The following BMP1 variants were observed in gnomAD, a reference collection of about 807,000 sequenced individuals.
BMP1 encodes the protein bone morphogenetic protein 1, also known as mammalian tolloid protein.
Under a neutral mutation model 116.8 loss-of-function variants are expected in BMP1, and 63 were observed. That is an observed-to-expected ratio of 0.54 (90% CI 0.44 to 0.67). BMP1 has a LOEUF of 0.67. Ranked by LOEUF, BMP1 falls within the 30% of genes least tolerant of loss-of-function variation. BMP1 has a pLI of 0.00. For missense variants in BMP1, 1,183 were observed against 1,358.9 expected (o/e 0.87, Z 2.04); for synonymous variants, 536 against 533.4 (o/e 1.00, Z -0.07).
intron 8 of BMP1, among the ~76,000 whole-genome samples, chr8:22,183,860 G>A (rs555229157): frequency 6.6e-6 from 1 of 152,170 alleles, no homozygotes; most frequent in Non-Finnish European, 1.5e-5. Flanking sequence ...ACAGACGTGA[G>A]CCGCCGCGCC....
chr8:22,193,198 T>C (rs191961833), intron 9 of BMP1, among the ~76,000 whole-genome samples: 48 of 152,344 alleles, frequency 3.2e-4, no homozygotes, highest in African/African-American at 1.0e-3. Flanking sequence ...CATTCACTTA[T>C]GTTGATTCTT....
chr8:22,195,064 G>T, intron 12 of BMP1, 145 bp downstream of exon 12: 1 of 898,890 alleles, frequency 1.1e-6, no homozygotes, highest in Non-Finnish European at 1.6e-6. Flanking sequence ...CTCTGGGCTA[G>T]CTGGGGAGAA....
chr8:22,182,546 TA>T (rs1828652662), intron 8 of BMP1, among the ~76,000 whole-genome samples: 1 of 152,228 alleles, frequency 6.6e-6, no homozygotes. Flanking sequence ...GCTGAATACG[TA>T]AGATGCAATG....
intron 15 of BMP1, chr8:22,201,402 C>A: frequency 6.9e-7 from 1 of 1,443,410 alleles, no homozygotes; most frequent in Non-Finnish European, 9.0e-7. Context: ...TGCCCTACCC[C>A]CTCCCATTTT....
intron 8 of BMP1, among the ~76,000 whole-genome samples, chr8:22,185,542 A>G (rs1279093854): frequency 6.6e-6 from 1 of 152,162 alleles, no homozygotes; most frequent in Non-Finnish European, 1.5e-5. Flanking sequence ...CCAAGAAGAT[A>G]AGAACTTTTG....
chr8:22,209,529 G>T lies in BMP1; in HGVS notation c.2660G>T (p.Gly887Val), dbSNP rs2131904916. Residue 887 changes from glycine (G) to valine (V), a missense_variant, in exon 19 of 20, where the codon GGT becomes GTT. Around this residue, in one of 4 missense-constraint regions of BMP1, gnomAD observed 956 missense variants for 1,135.2 expected, o/e 0.84. Coordinates refer to ENST00000306385, the MANE Select transcript of BMP1 (RefSeq NM_006129.5). ...AQFGDNNYPG[G>V]VDCEWVIVAE... ...TTTGGCGACAACAACTACCCTGGGG[G>T]TGTGGACTGTGAGTGGGTCATTGTG... 1 of 1,614,262 alleles carries T rather than the reference G, an allele frequency of 6.2e-7. No homozygotes were observed.
intron 18 of BMP1, among the ~76,000 whole-genome samples, 173 bp from the exon 19 acceptor site, chr8:22,209,272 A>G (rs1829418174): frequency 6.6e-6 from 1 of 152,012 alleles, no homozygotes; most frequent in Non-Finnish European, 1.5e-5. Context: ...CCCTCTATTT[A>G]GAGATGGGGC....
Position 22,194,027 on chromosome 8 carries a change from C to A in BMP1, c.1181-31C>A. 1 of 1,586,620 alleles carries A rather than the reference C, an allele frequency of 6.3e-7. No homozygotes were observed. Among genetic ancestry groups the A allele is most frequent in the South Asian group, 1.1e-5 (1 of 90,432 alleles). ...CTCTATAGGGGGTGTCCTCAGGGTT[C>A]ACCACTCTTCCATCCACACTGTCTG... On this transcript the variant is annotated intron_variant, in intron 9 of 19. Transcript: ENST00000306385. This position sits in a 1 kb window ranked among gnomAD's most constrained non-coding sequence, Gnocchi z 4.5.
intron 17 of BMP1, 62 bp from the exon 18 acceptor site, chr8:22,207,241 A>G: frequency 6.4e-7 from 1 of 1,551,440 alleles, no homozygotes; most frequent in Non-Finnish European, 8.8e-7. Flanking sequence ...TGGGGCCCTC[A>G]TCCTTGCCCC....
chr8:22,183,263 A>T (rs1212003658), intron 8 of BMP1, among the ~76,000 whole-genome samples: 1 of 152,168 alleles, frequency 6.6e-6, no homozygotes, highest in East Asian at 1.9e-4. Flanking sequence ...AAAAAATTTT[A>T]AAAATTAGCT....
chr8:22,201,642 G>C, intron 15 of BMP1, 161 bp from the exon 16 acceptor site: 1 of 1,380,316 alleles, frequency 7.2e-7, no homozygotes, highest in Non-Finnish European at 9.6e-7. Context: ...GGACCCCCTT[G>C]TCGCCTGGCC....
intron 19 of BMP1, among the ~76,000 whole-genome samples, chr8:22,210,468 T>TCTCTCTCTCACTCACACACA (rs10664439): frequency 7.4e-6 from 1 of 135,500 alleles, no homozygotes; most frequent in African/African-American, 3.0e-5. Context: ...TCTCTCTCTC[T>TCTCTCTCTCACTCACACACA]CACACACATA....
At chr8:22,169,120 G>A (rs913234359) in intron 1 of BMP1, among the ~76,000 whole-genome samples, 2 of 151,688 alleles carry the variant, frequency 1.3e-5, no homozygotes, top group African/African-American at 4.9e-5. Context: ...CCAGGAGCTG[G>A]AGGCTGTAGT....
intron 15 of BMP1, among the ~76,000 whole-genome samples, chr8:22,199,925 G>A (rs1428971061): frequency 6.6e-6 from 1 of 152,168 alleles, no homozygotes; most frequent in Non-Finnish European, 1.5e-5. Context: ...ATCCTGGGTT[G>A]GAGAAGCAGG....
At chr8:22,189,319 G>A (rs1014741374) in intron 8 of BMP1, among the ~76,000 whole-genome samples, 3 of 151,812 alleles carry the variant, frequency 2.0e-5, no homozygotes, top group Non-Finnish European at 4.4e-5. Flanking sequence ...AATGAATTGT[G>A]GTCGCCGTTC....
chr8:22,201,136 A>C (rs147012410), intron 15 of BMP1: 1 of 1,596,552 alleles, frequency 6.3e-7, no homozygotes, highest in Non-Finnish European at 8.5e-7. Flanking sequence ...CCAGCTCTGC[A>C]GCCCCCTCGG....
At chr8:22,196,474 C>A in intron 13 of BMP1, 1 of 649,142 alleles carries the variant, frequency 1.5e-6, no homozygotes, top group Non-Finnish European at 2.7e-6. Context: ...CTTAGCTCCC[C>A]CACTCCTCCC....
At position 22,177,949 on chromosome 8, in the gene BMP1, A is replaced by G; in HGVS notation, c.828A>G (p.Thr276=). Residue 276 remains threonine (T), a synonymous_variant, in exon 6 of 20, where the codon ACA becomes ACG. Transcript: ENST00000306385. ...FDSIMHYARN[T]FSRGIFLDTI... Reference sequence around the variant, plus strand: ...GCATCATGCATTACGCTCGGAACACATTCTCCAGGTGGGAGACGGGATTGG... The same window carrying G: ...GCATCATGCATTACGCTCGGAACACGTTCTCCAGGTGGGAGACGGGATTGG... 6.2e-7 allele frequency: 1 copy of G among 1,608,578 alleles called. No homozygotes were observed. Among genetic ancestry groups the G allele is most frequent in the Non-Finnish European group, 8.5e-7 (1 of 1,175,910 alleles).
intron 8 of BMP1, among the ~76,000 whole-genome samples, chr8:22,188,117 A>G (rs1828828371): frequency 6.6e-6 from 1 of 150,902 alleles, no homozygotes; most frequent in African/African-American, 2.4e-5. Flanking sequence ...TCTGTACCCC[A>G]TATCTCATTG....
Sources: allele counts gnomAD v4.1 joint callset (sites outside exome capture counted in the v4.1 genomes callset), GRCh38; gene constraint gnomAD v4.1.1; regional missense constraint gnomAD v4.1.1; non-coding constraint Gnocchi (gnomAD v3.1); transcripts MANE v1.5; gene names NCBI Gene and HGNC (gene_info 2026-07-23, HGNC 2026-07-21).